IMMP2L: variants seen among roughly 807,000 people sequenced by gnomAD.
IMMP2L encodes inner mitochondrial membrane peptidase subunit 2, also known as mitochondrial inner membrane protease subunit 2.
A neutral mutation model predicts 19.3 loss-of-function variants in IMMP2L; 18 were observed. That is an observed-to-expected ratio of 0.93 (90% CI 0.64 to 1.38). The LOEUF is 1.38. IMMP2L is among the 40% of genes most tolerant of loss of function. The pLI is 0.00. For synonymous variants in IMMP2L, 76 were observed against 73.0 expected (o/e 1.04, Z -0.21); for missense variants, 233 against 218.2 (o/e 1.07, Z -0.43).
intron 3 of IMMP2L, among the ~76,000 whole-genome samples, chr7:111,113,207 G>A (rs1167393697): frequency 6.6e-6 from 1 of 152,058 alleles, no homozygotes; most frequent in Non-Finnish European, 1.5e-5. Context: ...TTGTCCACAG[G>A]CTTCCTTACC....
At chr7:111,283,315 T>C (rs1820108611) in intron 3 of IMMP2L, among the ~76,000 whole-genome samples, 1 of 152,116 alleles carries the variant, frequency 6.6e-6, no homozygotes, top group Non-Finnish European at 1.5e-5. Context: ...TAAATGTGCA[T>C]ATAGAGTTGA....
intron 5 of IMMP2L, among the ~76,000 whole-genome samples, chr7:110,882,318 TTCCTTCCTTCC>T (rs1447419002): frequency 4.6e-4 from 51 of 111,740 alleles, no homozygotes; most frequent in South Asian, 1.4e-3. Flanking sequence ...CCTTCCTTCC[TTCCTTCCTTCC>T]TTCCTTCCTT....
intron 5 of IMMP2L, among the ~76,000 whole-genome samples, chr7:110,787,138 T>C (rs974535728): frequency 6.6e-6 from 1 of 152,044 alleles, no homozygotes; most frequent in African/African-American, 2.4e-5. Flanking sequence ...ATAGTTACCA[T>C]GATAATGACA....
intron 3 of IMMP2L, among the ~76,000 whole-genome samples, chr7:110,991,304 C>T (rs1822429742): frequency 6.6e-6 from 1 of 152,028 alleles, no homozygotes; most frequent in Non-Finnish European, 1.5e-5. Flanking sequence ...GTGGCTTACT[C>T]TAAATGTTTA....
intron 5 of IMMP2L, among the ~76,000 whole-genome samples, chr7:110,684,077 AG>A (rs1792932906): frequency 6.6e-6 from 1 of 152,130 alleles, no homozygotes; most frequent in Non-Finnish European, 1.5e-5. Context: ...GAAAGTTAAT[AG>A]TAGATTATTT....
At chr7:111,008,577 G>A (rs565388939) in intron 3 of IMMP2L, among the ~76,000 whole-genome samples, 1 of 151,202 alleles carries the variant, frequency 6.6e-6, no homozygotes, top group East Asian at 1.9e-4. Flanking sequence ...GGCCACACAC[G>A]TGCACACACA....
chr7:111,203,569 C>T (rs1010335264), intron 3 of IMMP2L, among the ~76,000 whole-genome samples: 40 of 127,768 alleles, frequency 3.1e-4, no homozygotes, highest in African/African-American at 4.7e-4. Flanking sequence ...TATACTGGTT[C>T]TTTTTTTTTT....
rs542270480 is a variant in IMMP2L at position 111,308,049 on chromosome 7, T to A, written c.239+179189A>T. Among the ~76,000 whole-genome samples the A allele has an allele frequency of 3.4e-4, 51 of 152,068 alleles. 1 individual carries two copies. In the South Asian group the frequency reaches 0.011, roughly 32 times the overall value. ...ATTATAGTGATATAGTTCAACTCAG[T>A]CTCTTAACTTACAACTATGCTTGTG... On this transcript the variant is annotated intron_variant, in intron 3 of 5. Transcript: ENST00000405709.
intron 3 of IMMP2L, among the ~76,000 whole-genome samples, chr7:111,056,206 A>G (rs2129573985): frequency 6.6e-6 from 1 of 152,358 alleles, no homozygotes; most frequent in East Asian, 1.9e-4. Context: ...TAAAGCAAAT[A>G]ACACAAATGC....
intron 3 of IMMP2L, among the ~76,000 whole-genome samples, chr7:111,026,077 G>A (rs1826782892): frequency 6.6e-6 from 1 of 151,952 alleles, no homozygotes; most frequent in African/African-American, 2.4e-5. Context: ...TTGTTTTAGT[G>A]TCATTGTTAT....
chr7:111,487,613 G>A (rs1027624103), intron 2 of IMMP2L, among the ~76,000 whole-genome samples: 4 of 152,124 alleles, frequency 2.6e-5, no homozygotes, highest in Admixed American at 1.3e-4. Flanking sequence ...CAATAAAGAG[G>A]TATGAAAAGC....
intron 5 of IMMP2L, among the ~76,000 whole-genome samples, chr7:110,723,542 T>A (rs1795704661): frequency 6.6e-6 from 1 of 152,086 alleles, no homozygotes; most frequent in Non-Finnish European, 1.5e-5. Context: ...TTTTTAATCC[T>A]CTAAATAAAT....
At chr7:111,122,917 G>C in intron 3 of IMMP2L, 1 of 1,614,024 alleles carries the variant, frequency 6.2e-7, no homozygotes. Flanking sequence ...CATTTATATG[G>C]AAGCATCTAC....
At chr7:111,159,727 A>ATATAT (rs1805045231) in intron 3 of IMMP2L, among the ~76,000 whole-genome samples, 1 of 152,172 alleles carries the variant, frequency 6.6e-6, no homozygotes, top group Non-Finnish European at 1.5e-5. Flanking sequence ...CAGGTGAGTC[A>ATATAT]TATATGTAAT....
chr7:110,851,294 A>G (rs1806201872), intron 5 of IMMP2L, among the ~76,000 whole-genome samples: 1 of 152,162 alleles, frequency 6.6e-6, no homozygotes, highest in South Asian at 2.1e-4. Flanking sequence ...CTCAGGATAT[A>G]CAAACACACT....
intron 3 of IMMP2L, among the ~76,000 whole-genome samples, chr7:111,335,917 A>C (rs1696560120): frequency 1.3e-5 from 2 of 152,150 alleles, no homozygotes; most frequent in South Asian, 4.1e-4. Context: ...AATAATAATT[A>C]CCTATGGGGT....
At chr7:110,987,355 T>C (rs2129558983) in intron 3 of IMMP2L, among the ~76,000 whole-genome samples, 1 of 152,302 alleles carries the variant, frequency 6.6e-6, no homozygotes, top group African/African-American at 2.4e-5. Flanking sequence ...GTAAACCTGT[T>C]TCTGAAAATG....
rs559669799 is a variant in IMMP2L at position 111,336,916 on chromosome 7, T to C, written c.239+150322A>G. Among the ~76,000 whole-genome samples, 3 of 152,072 alleles carry C rather than the reference T, an allele frequency of 2.0e-5. No individual in the cohort carries two copies. In the South Asian group the frequency reaches 6.2e-4, roughly 32 times the overall value. On this transcript the variant is annotated intron_variant, in intron 3 of 5. Transcript: ENST00000405709. ...TAAAGTGGCTTAACAGAAACTAGTCTTGATAAGGTAAACCAAATAAGTGAA... is the reference window on the plus strand; with the variant it reads ...TAAAGTGGCTTAACAGAAACTAGTCCTGATAAGGTAAACCAAATAAGTGAA...
intron 3 of IMMP2L, among the ~76,000 whole-genome samples, chr7:111,088,515 A>C (rs970856141): frequency 2.6e-5 from 4 of 152,090 alleles, no homozygotes; most frequent in Non-Finnish European, 5.9e-5. Flanking sequence ...GAGAAGAAGG[A>C]AAAGAAGAAT....
Sources: allele counts gnomAD v4.1 joint callset (sites outside exome capture counted in the v4.1 genomes callset), GRCh38; gene constraint gnomAD v4.1.1; transcripts MANE v1.5; gene names NCBI Gene and HGNC (gene_info 2026-07-23, HGNC 2026-07-21).